The following TPR variants were observed in gnomAD, a reference collection of about 807,000 sequenced individuals.
TPR encodes the protein nucleoprotein TPR.
A neutral mutation model predicts 316.1 loss-of-function variants in TPR; 51 were observed. The observed-to-expected ratio is 0.16, with a 90% CI of 0.13 to 0.20. The LOEUF is 0.20. Among genes scored for constraint, TPR ranks in the 10% least tolerant of loss-of-function variants. TPR has a pLI of 1.00. For synonymous variants in TPR, 981 were observed against 914.7 expected (o/e 1.07, Z -1.31); for missense variants, 2,272 against 2,754.8 (o/e 0.82, Z 3.92).
chr1:186,327,370 G>C, intron 40 of TPR, 90 bp downstream of exon 40: 1 of 1,120,752 alleles, frequency 8.9e-7, no homozygotes, highest in Non-Finnish European at 1.2e-6. Context: ...CTGGGAACCA[G>C]AATTTACAGC....
Position 186,361,832 on chromosome 1 carries a change from T to C in TPR, c.827A>G (p.His276Arg). The C allele has an allele frequency of 6.2e-7, 1 of 1,613,180 alleles. No homozygotes were observed. Residue 276 changes from histidine (H) to arginine (R), a missense_variant, in exon 8 of 51, where the codon CAC becomes CGC. Transcript: ENST00000367478. ...EQQASMEEKF[H>R]NELNAHIKLS... ...TTTTATGTGGGCATTTAATTCATTG[T>C]GGAATTTCTCTTCCATACTGGCCTG...
intron 5 of TPR, 63 bp downstream of exon 5, chr1:186,363,279 T>C (rs1057167023): frequency 6.6e-6 from 9 of 1,356,358 alleles, no homozygotes; most frequent in Middle Eastern, 1.8e-4. Flanking sequence ...TATTTGAAAT[T>C]TAATTTAGGT....
chr1:186,328,802 T>A (rs1016469829), intron 39 of TPR, among the ~76,000 whole-genome samples: 1 of 152,210 alleles, frequency 6.6e-6, no homozygotes, highest in African/African-American at 2.4e-5. Flanking sequence ...TCAATCTATT[T>A]CCACAATTCT....
At chr1:186,373,241 C>A in intron 2 of TPR, 118 bp downstream of exon 2, 1 of 613,880 alleles carries the variant, frequency 1.6e-6, no homozygotes, top group Non-Finnish European at 2.6e-6. Flanking sequence ...TAATAAAAAC[C>A]AATGATGCTT....
At chr1:186,317,768 A>G (rs1302334166) in intron 48 of TPR, among the ~76,000 whole-genome samples, 168 bp from the exon 49 acceptor site, 2 of 152,162 alleles carry the variant, frequency 1.3e-5, no homozygotes, top group Non-Finnish European at 2.9e-5. Context: ...AGCAGGGGGG[A>G]AAAGAGCTCA....
chr1:186,333,285 T>C lies in TPR; in HGVS notation c.5292A>G (p.Leu1764=). 1 of 1,613,650 alleles carries C rather than the reference T, an allele frequency of 6.2e-7. No individual in the cohort carries two copies. Among genetic ancestry groups the C allele is most frequent in the Non-Finnish European group, 8.5e-7 (1 of 1,179,688 alleles). ...NVQPSISQPI[L]TVQQQTQATA... ...TAGCCTGTGTTTGTTGCTGAACAGT[T>C]AAAATAGGTTGAGAGATAGAAGGCT... Residue 1764 remains leucine (L), a synonymous_variant, in exon 37 of 51, where the codon TTA becomes TTG. Coordinates refer to ENST00000367478, the MANE Select transcript of TPR (RefSeq NM_003292.3).
intron 14 of TPR, among the ~76,000 whole-genome samples, chr1:186,356,744 A>T (rs1659039848): frequency 6.6e-6 from 1 of 152,166 alleles, no homozygotes; most frequent in Non-Finnish European, 1.5e-5. Context: ...CCTCTTCTAG[A>T]AGACATTATA....
chr1:186,352,096 A>G lies in TPR; in HGVS notation c.2349T>C (p.Asn783=). ...KLAVAEVRAE[N]LKKEKEMLKL... The stretch of plus-strand genomic sequence containing the variant: ...TAAGCATTTCCTTTTCCTTCTTCAA[A>G]TTTTCTGCTCTTACCTAAACATAAG... The change falls in exon 19 of 51, where the codon AAT becomes AAC. Residue 783 remains asparagine (N), a synonymous_variant. Transcript: ENST00000367478. 1 of 1,603,264 alleles carries G rather than the reference A, an allele frequency of 6.2e-7. No individual in the cohort carries two copies. Among genetic ancestry groups the G allele is most frequent in the Non-Finnish European group, 8.5e-7 (1 of 1,176,988 alleles).
Position 186,356,923 on chromosome 1 carries a change from T to C in TPR, c.1724+474A>G, listed in dbSNP as rs527317823. Among the ~76,000 whole-genome samples the C allele has an allele frequency of 2.3e-4, 35 of 152,328 alleles. No homozygotes were observed. In the East Asian group the frequency reaches 6.6e-3, roughly 29 times the overall value. ...GTCTACTTGCCTATTTTATTATCTA[T>C]TTATTACATCTGTCTTACCCATAAC... On this transcript the variant is annotated intron_variant, in intron 14 of 50. Transcript: ENST00000367478.
In TPR at chr1:186,344,324, A is replaced by G. The variant is rs757391576; in HGVS notation, c.3417+51T>C. On this transcript the variant is annotated intron_variant, in intron 25 of 50. Transcript: ENST00000367478. ...TCAAAACATTATAAAATAAAGAAAAAAACAACTCTTTCAATTCAACAGAAC... is the reference window on the plus strand; with the variant it reads ...TCAAAACATTATAAAATAAAGAAAAGAACAACTCTTTCAATTCAACAGAAC... The G allele has an allele frequency of 1.9e-6, 3 of 1,581,972 alleles. No homozygotes were observed. In the Admixed American group the frequency reaches 5.4e-5, roughly 28 times the overall value.
chr1:186,367,226 T>C (rs1315140273), intron 4 of TPR, among the ~76,000 whole-genome samples: 1 of 152,012 alleles, frequency 6.6e-6, no homozygotes, highest in East Asian at 1.9e-4. Flanking sequence ...CCACCATGAC[T>C]GGCTAATTTC....
chr1:186,317,605 G>A lies in TPR; in HGVS notation c.6822-5C>T. On this transcript the variant is annotated splice_region_variant and splice_polypyrimidine_tract_variant and intron_variant, in intron 48 of 50. Transcript: ENST00000367478. ...AGGCCTGCTTCTGAACTAATACTAA[G>A]GAAAAGAAAAATGAGAAAATACAAA... The A allele has an allele frequency of 6.2e-7, 1 of 1,611,482 alleles. No homozygotes were observed. The highest frequency in any genetic ancestry group is 8.5e-7 in the Non-Finnish European group (1 of 1,178,474).
At chr1:186,332,135 GAA>G (rs1658184727) in intron 38 of TPR, 58 bp downstream of exon 38, 1 of 1,522,034 alleles carries the variant, frequency 6.6e-7, no homozygotes, top group Non-Finnish European at 8.8e-7. Flanking sequence ...GGCTGTAGCT[GAA>G]AAGAGTACCT....
chr1:186,338,359 A>G (rs1658402511), intron 30 of TPR, 116 bp from the exon 31 acceptor site: 2 of 808,024 alleles, frequency 2.5e-6, no homozygotes, highest in African/African-American at 1.7e-5. Flanking sequence ...TGAAAATCCT[A>G]AAAAATACCC....
chr1:186,325,313 T>C (rs1040084318), intron 42 of TPR, among the ~76,000 whole-genome samples: 1 of 152,178 alleles, frequency 6.6e-6, no homozygotes, highest in African/African-American at 2.4e-5. Flanking sequence ...CCAGGACTTA[T>C]CCAAGATTTA....
intron 17 of TPR, among the ~76,000 whole-genome samples, chr1:186,354,870 C>T (rs1033357290): frequency 1.3e-5 from 2 of 151,482 alleles, no homozygotes; most frequent in Non-Finnish European, 2.9e-5. Context: ...GGTAAACTAC[C>T]AACATTCCTC....
chr1:186,320,472 C>G, intron 45 of TPR, 54 bp from the exon 46 acceptor site: 1 of 1,450,934 alleles, frequency 6.9e-7, no homozygotes, highest in Non-Finnish European at 9.3e-7. Context: ...CTATTTAAAC[C>G]ACAATGGTGA....
chr1:186,325,642 G>C (rs1657902856), intron 42 of TPR, 122 bp downstream of exon 42: 2 of 753,922 alleles, frequency 2.7e-6, no homozygotes, highest in East Asian at 2.8e-5. Context: ...CACAAAGCTA[G>C]AACAGGGGCC....
chr1:186,375,217 C>G lies in TPR; in HGVS notation c.-189G>C, dbSNP rs773215290. 3.4e-6 allele frequency: 5 copies of G among 1,487,800 alleles called. No individual in the cohort carries two copies. The South Asian group carries it at 6.5e-5, about 19-fold the overall frequency. 92.2% of individuals were successfully genotyped at this position (1,487,800 alleles called of 1,614,324 possible). The stretch of plus-strand genomic sequence containing the variant: ...AAATCGAGTCCACCCTCAGCGGCAG[C>G]GTTTCAGCAACAGCACCTCACCGCC... On this transcript the variant is annotated 5_prime_UTR_variant, in exon 1 of 51. Transcript: ENST00000367478.
Sources: allele counts gnomAD v4.1 joint callset (sites outside exome capture counted in the v4.1 genomes callset), GRCh38; gene constraint gnomAD v4.1.1; transcripts MANE v1.5; gene names NCBI Gene and HGNC (gene_info 2026-07-23, HGNC 2026-07-21).